Variants in TTC29 observed in about 807,000 individuals in gnomAD.
The protein encoded by TTC29 is tetratricopeptide repeat domain 29, also known as tetratricopeptide repeat protein 29.
In TTC29, 49 loss-of-function variants were observed where a neutral mutation model predicts 58.1. That is an observed-to-expected ratio of 0.84 (90% CI 0.67 to 1.07). TTC29 has a LOEUF of 1.07. Ranked by LOEUF, TTC29 falls within the 50% of genes least tolerant of loss-of-function variation. The probability of loss-of-function intolerance (pLI) is 0.00; values close to 1 mark genes in which losing one functional copy is unlikely to be tolerated. For synonymous variants in TTC29, 209 were observed against 196.8 expected (o/e 1.06, Z -0.52); for missense variants, 582 against 555.6 (o/e 1.05, Z -0.48).
chr4:146,813,872 T>C (rs1751195961), intron 10 of TTC29, among the ~76,000 whole-genome samples: 1 of 152,124 alleles, frequency 6.6e-6, no homozygotes, highest in African/African-American at 2.4e-5. Context: ...TAATCCCAGC[T>C]ACTTGGGAGG....
chr4:146,721,618 G>A lies in TTC29; in HGVS notation c.1331-14067C>T, dbSNP rs181672224. Among the ~76,000 whole-genome samples the A allele has an allele frequency of 1.7e-3, 259 of 152,234 alleles. 4 individuals are homozygous for A. The highest frequency in any genetic ancestry group is 0.015 in the Admixed American group (228 of 15,272). ...GTTGGCACATAGAAGGTGACCGTTA[G>A]ATGTCTACTGAAAGACAGACAGAGT... On this transcript the variant is annotated intron_variant, in intron 11 of 12. Transcript: ENST00000325106.
At chr4:146,737,299 A>G (rs560459477) in intron 11 of TTC29, among the ~76,000 whole-genome samples, 1 of 152,020 alleles carries the variant, frequency 6.6e-6, no homozygotes, top group African/African-American at 2.4e-5. Context: ...CATTAGAAGA[A>G]CTCCCTTCCA....
intron 11 of TTC29, among the ~76,000 whole-genome samples, chr4:146,799,813 T>C (rs1197001625): frequency 6.6e-6 from 1 of 152,242 alleles, no homozygotes; most frequent in African/African-American, 2.4e-5. Flanking sequence ...AGGTTGACAC[T>C]GCTATTAAGT....
intron 11 of TTC29, among the ~76,000 whole-genome samples, chr4:146,732,423 G>A (rs1026044426): frequency 2.6e-4 from 40 of 152,098 alleles, no homozygotes; most frequent in African/African-American, 9.4e-4. Context: ...CAGAAATATG[G>A]GCATAAGGAA....
chr4:146,929,308 T>C (rs866744711), intron 4 of TTC29, among the ~76,000 whole-genome samples: 2 of 152,194 alleles, frequency 1.3e-5, no homozygotes, highest in East Asian at 1.9e-4. Flanking sequence ...TTCAACACAA[T>C]GTAAATACAC....
chr4:146,832,461 G>A (rs17021991), intron 9 of TTC29, among the ~76,000 whole-genome samples: 6,975 of 152,008 alleles, frequency 0.046, 234 homozygotes, highest in East Asian at 0.14. Context: ...GTCTTTCTTG[G>A]GTAAACACCC....
chr4:146,942,833 T>C lies in TTC29; in HGVS notation c.-7+2198A>G, dbSNP rs1296125033. 9.2e-6 allele frequency: 4 copies of C among 434,730 alleles called. No individual in the cohort carries two copies. In the East Asian group the frequency reaches 1.4e-4, roughly 15 times the overall value. 26.9% of individuals were successfully genotyped at this position (434,730 alleles called of 1,614,324 possible). On this transcript the variant is annotated intron_variant, in intron 2 of 12. Coordinates refer to ENST00000325106, the MANE Select transcript of TTC29 (RefSeq NM_031956.4). The stretch of plus-strand genomic sequence containing the variant: ...TGGGCACTGGGGCCAGGGTAATCTC[T>C]TCATAATTGCAGGGGTCTTTGAAGA...
chr4:146,893,196 G>T (rs1732504770), intron 6 of TTC29, among the ~76,000 whole-genome samples: 1 of 152,074 alleles, frequency 6.6e-6, no homozygotes, highest in Admixed American at 6.5e-5. Context: ...AGTTCATATG[G>T]AACCAAAACA....
intron 8 of TTC29, among the ~76,000 whole-genome samples, chr4:146,855,646 T>C (rs1486207048): frequency 6.6e-6 from 1 of 152,156 alleles, no homozygotes; most frequent in African/African-American, 2.4e-5. Flanking sequence ...CATATGTTAT[T>C]GTTATTGTGC....
chr4:146,773,013 C>A (rs1747844335), intron 11 of TTC29, among the ~76,000 whole-genome samples: 1 of 152,084 alleles, frequency 6.6e-6, no homozygotes, highest in African/African-American at 2.4e-5. Context: ...TGATTTGACT[C>A]TCAACTTGGA....
At chr4:146,862,982 C>T (rs575551021) in intron 8 of TTC29, among the ~76,000 whole-genome samples, 23 of 151,982 alleles carry the variant, frequency 1.5e-4, no homozygotes, top group African/African-American at 3.9e-4. Flanking sequence ...ATTAGCCGGG[C>T]GTGGTGGCAT....
At chr4:146,716,601 G>T in intron 11 of TTC29, among the ~76,000 whole-genome samples, 1 of 152,136 alleles carries the variant, frequency 6.6e-6, no homozygotes, top group East Asian at 1.9e-4. Context: ...GAAAATGAAT[G>T]TTTTCGTAAA....
intron 11 of TTC29, among the ~76,000 whole-genome samples, chr4:146,738,139 C>T (rs767218056): frequency 3.3e-5 from 5 of 152,040 alleles, no homozygotes; most frequent in Non-Finnish European, 5.9e-5. Context: ...TTGCTCCCAG[C>T]GATCTGGACC....
chr4:146,751,863 T>C (rs549706142), intron 11 of TTC29, among the ~76,000 whole-genome samples: 120 of 151,846 alleles, frequency 7.9e-4, no homozygotes, highest in African/African-American at 2.8e-3. Context: ...AAATACAAAA[T>C]AGAAAAATCA....
intron 8 of TTC29, among the ~76,000 whole-genome samples, chr4:146,864,837 A>T (rs965096221): frequency 6.6e-6 from 1 of 151,780 alleles, no homozygotes; most frequent in Non-Finnish European, 1.5e-5. Context: ...CACCTAGATA[A>T]TCCAGAATGA....
At chr4:146,939,940 T>A in intron 2 of TTC29, 39 bp from the exon 3 acceptor site, 1 of 1,551,418 alleles carries the variant, frequency 6.4e-7, no homozygotes, top group Non-Finnish European at 8.7e-7. Flanking sequence ...TTTTAAGGAA[T>A]AAATCTTTCA....
At chr4:146,917,016 A>C (rs913458931) in intron 4 of TTC29, among the ~76,000 whole-genome samples, 2 of 151,274 alleles carry the variant, frequency 1.3e-5, no homozygotes, top group Non-Finnish European at 3.0e-5. Context: ...TAATCCAAAT[A>C]AAATATATAT....
intron 4 of TTC29, among the ~76,000 whole-genome samples, chr4:146,913,266 A>G (rs1368517482): frequency 6.6e-6 from 1 of 152,152 alleles, no homozygotes; most frequent in East Asian, 1.9e-4. Context: ...ACCATAAATG[A>G]TACAAATAAA....
intron 11 of TTC29, among the ~76,000 whole-genome samples, chr4:146,729,810 A>G (rs1419551071): frequency 6.6e-6 from 1 of 152,012 alleles, no homozygotes; most frequent in Non-Finnish European, 1.5e-5. Flanking sequence ...TTATAAAACC[A>G]TCAGATCTTA....
Sources: allele counts gnomAD v4.1 joint callset (sites outside exome capture counted in the v4.1 genomes callset), GRCh38; gene constraint gnomAD v4.1.1; transcripts MANE v1.5; gene names NCBI Gene and HGNC (gene_info 2026-07-23, HGNC 2026-07-21).